KLHL18: variants seen among roughly 807,000 people sequenced by gnomAD.
KLHL18 encodes the protein kelch like family member 18, also known as kelch-like protein 18.
A neutral mutation model predicts 58.5 loss-of-function variants in KLHL18; 38 were observed. That is an observed-to-expected ratio of 0.65 (90% confidence interval 0.50 to 0.85). KLHL18 has a LOEUF of 0.85. Among genes scored for constraint, KLHL18 ranks in the 40% least tolerant of loss-of-function variants. The probability of loss-of-function intolerance (pLI) is 0.00; values close to 1 mark genes in which losing one functional copy is unlikely to be tolerated. For missense variants in KLHL18, 624 were observed against 778.4 expected, an observed-to-expected ratio of 0.80 and a Z score of 2.36; for synonymous variants, 303 against 301.9, an observed-to-expected ratio of 1.00 and a Z score of -0.04.
intron 3 of KLHL18, 70 bp from the exon 4 acceptor site, chr3:47,329,881 C>T: frequency 7.3e-7 from 1 of 1,378,220 alleles, no homozygotes; most frequent in East Asian, 2.3e-5. Flanking sequence ...CTACCCAGAA[C>T]CAGCCTGAGA....
chr3:47,283,741 C>G (rs896665031), intron 1 of KLHL18, among the ~76,000 whole-genome samples: 1 of 152,194 alleles, frequency 6.6e-6, no homozygotes, highest in Admixed American at 6.5e-5. Context: ...GATATCTTAA[C>G]CACCTGTTCC....
chr3:47,330,677 T>C (rs1260977410), intron 4 of KLHL18, among the ~76,000 whole-genome samples: 1 of 152,242 alleles, frequency 6.6e-6, no homozygotes, highest in Admixed American at 6.5e-5. Flanking sequence ...TTATTTCCAA[T>C]ATTTACTATT....
intron 2 of KLHL18, among the ~76,000 whole-genome samples, chr3:47,321,179 G>A (rs1424445873): frequency 6.6e-6 from 1 of 151,914 alleles, no homozygotes; most frequent in Non-Finnish European, 1.5e-5. Context: ...GGGGAGTGGA[G>A]GGGGAGGCAA....
chr3:47,338,966 G>A (rs949918341), intron 7 of KLHL18: 1 of 152,198 alleles, frequency 6.6e-6, no homozygotes. Context: ...TTCCTTATAA[G>A]GCGTTGTGTA....
At chr3:47,310,329 TA>T (rs1431678441) in intron 1 of KLHL18, among the ~76,000 whole-genome samples, 2 of 152,316 alleles carry the variant, frequency 1.3e-5, no homozygotes, top group South Asian at 4.1e-4. Context: ...CACTCTTTTC[TA>T]CCTCCAGACA....
chr3:47,288,220 C>CAAAAAAAA (rs768468646), intron 1 of KLHL18, among the ~76,000 whole-genome samples: 1 of 44,634 alleles, frequency 2.2e-5, no homozygotes, highest in Non-Finnish European at 4.4e-5. Flanking sequence ...ACTCTGTCTC[C>CAAAAAAAA]AAAAAAAAAA....
intron 1 of KLHL18, among the ~76,000 whole-genome samples, chr3:47,284,253 TCA>T (rs142212788): frequency 1.4e-4 from 21 of 148,350 alleles, no homozygotes; most frequent in Admixed American, 2.0e-4. Flanking sequence ...TCTGTCTCTC[TCA>T]CACACACACA....
In KLHL18 at chr3:47,334,147, C is replaced by T. The variant is rs1336007024; in HGVS notation, c.762-536C>T. On this transcript the variant is annotated intron_variant, in intron 5 of 9. Coordinates refer to ENST00000232766, the MANE Select transcript of KLHL18 (RefSeq NM_025010.5). The surrounding 1 kb of genome is among the most constrained non-coding windows in gnomAD (Gnocchi z 4.7). ...GAGGTAGCTAGGGCCCAGTGACCAG[C>T]GGTCTCAAGGGTGCTGTTGAGGAGT... Among the ~76,000 whole-genome samples the T allele has an allele frequency of 6.6e-6, 1 of 152,180 alleles. No individual in the cohort carries two copies. The highest frequency in any genetic ancestry group is 2.1e-4 in the South Asian group (1 of 4,818).
At chr3:47,311,713 AAGTAT>A (rs1448239078) in intron 1 of KLHL18, among the ~76,000 whole-genome samples, 1 of 152,090 alleles carries the variant, frequency 6.6e-6, no homozygotes, top group Non-Finnish European at 1.5e-5. Context: ...CAAACAAAAC[AAGTAT>A]AGTAGAGTTA....
intron 1 of KLHL18, among the ~76,000 whole-genome samples, chr3:47,292,307 T>G (rs1475343914): frequency 6.6e-6 from 1 of 151,874 alleles, no homozygotes; most frequent in Non-Finnish European, 1.5e-5. Context: ...AAACCCCATC[T>G]CTACTAAAAA....
At chr3:47,289,634 G>A (rs1305532075) in intron 1 of KLHL18, among the ~76,000 whole-genome samples, 1 of 152,138 alleles carries the variant, frequency 6.6e-6, no homozygotes, top group Non-Finnish European at 1.5e-5. Flanking sequence ...AAAAGGAGCT[G>A]TAGGCTGGGT....
chr3:47,323,188 C>T (rs1190364275), intron 3 of KLHL18, among the ~76,000 whole-genome samples: 1 of 151,836 alleles, frequency 6.6e-6, no homozygotes, highest in African/African-American at 2.4e-5. Flanking sequence ...TCCCATGTTC[C>T]AGCAATCCTC....
At chr3:47,304,905 T>C (rs529529795) in intron 1 of KLHL18, among the ~76,000 whole-genome samples, 1 of 151,954 alleles carries the variant, frequency 6.6e-6, no homozygotes, top group Non-Finnish European at 1.5e-5. Flanking sequence ...CCACCTGTAG[T>C]CCCAACTACT....
rs985397835 is a variant in KLHL18, at chr3:47,298,309, T to C, written c.129+15215T>C. 3.4e-5 allele frequency among the ~76,000 whole-genome samples: 5 copies of C among 147,946 alleles called. No homozygotes were observed. In the Admixed American group the frequency reaches 3.4e-4, roughly 10 times the overall value. On this transcript the variant is annotated intron_variant, in intron 1 of 9. Coordinates refer to ENST00000232766, the MANE Select transcript of KLHL18 (RefSeq NM_025010.5). ...GTTAGAGGCTGCGGTGAGCTATGATTGTGTCACTACACTCCAGCCTGGGCA... is the reference window on the plus strand; with the variant it reads ...GTTAGAGGCTGCGGTGAGCTATGATCGTGTCACTACACTCCAGCCTGGGCA...
intron 1 of KLHL18, among the ~76,000 whole-genome samples, chr3:47,292,785 A>G (rs981416163): frequency 1.7e-4 from 26 of 151,928 alleles, no homozygotes; most frequent in African/African-American, 6.3e-4. Flanking sequence ...ATGCACTTGT[A>G]GTTCCAGCTA....
At chr3:47,293,105 A>G (rs369184334) in intron 1 of KLHL18, among the ~76,000 whole-genome samples, 1 of 152,242 alleles carries the variant, frequency 6.6e-6, no homozygotes, top group South Asian at 2.1e-4. Context: ...AGAAAGTGGA[A>G]TGATGGTTGC....
At chr3:47,294,448 G>A (rs1021389046) in intron 1 of KLHL18, among the ~76,000 whole-genome samples, 1 of 152,136 alleles carries the variant, frequency 6.6e-6, no homozygotes, top group East Asian at 1.9e-4. Flanking sequence ...AGTAAAGCAG[G>A]AGCCAGCCTC....
chr3:47,342,266 G>T (rs541358264), intron 8 of KLHL18, among the ~76,000 whole-genome samples: 1 of 152,280 alleles, frequency 6.6e-6, no homozygotes, highest in South Asian at 2.1e-4. Context: ...CAGTGGTCCA[G>T]ATGAGAGGTC....
intron 3 of KLHL18, among the ~76,000 whole-genome samples, chr3:47,324,489 A>G (rs1301279385): frequency 6.6e-6 from 1 of 150,736 alleles, no homozygotes; most frequent in Non-Finnish European, 1.5e-5. Context: ...CACTGTCAAC[A>G]CTGGATCCAG....
Sources: gnomAD v4.1 joint callset for allele counts (sites outside exome capture counted in the v4.1 genomes callset) on GRCh38, gnomAD v4.1.1 for gene constraint, Gnocchi (gnomAD v3.1) non-coding constraint, MANE v1.5 for transcripts, NCBI Gene and HGNC (gene_info 2026-07-23, HGNC 2026-07-21) for gene names.